ANKRD26: variants seen among roughly 807,000 people sequenced by gnomAD.
ANKRD26 encodes the protein ankyrin repeat domain-containing protein 26.
In ANKRD26, 141 loss-of-function variants were observed where a neutral mutation model predicts 208.7. The observed-to-expected ratio is 0.68, with a 90% confidence interval of 0.59 to 0.78. The LOEUF is 0.78. Among genes scored for constraint, ANKRD26 ranks in the 30% least tolerant of loss-of-function variants. ANKRD26 has a pLI of 0.00. For missense variants in ANKRD26, 1,889 were observed against 1,938.7 expected (o/e 0.97, Z 0.48); for synonymous variants, 636 against 660.4 (o/e 0.96, Z 0.57).
chr10:26,977,790 A>T (rs993565970), intron 5 of ANKRD26, among the ~76,000 whole-genome samples: 2 of 152,174 alleles, frequency 1.3e-5, no homozygotes, highest in African/African-American at 4.8e-5. Flanking sequence ...GCCCTGACAA[A>T]CTATACCTTC....
intron 32 of ANKRD26, among the ~76,000 whole-genome samples, chr10:27,008,718 T>C (rs2052980677): frequency 6.6e-6 from 1 of 152,206 alleles, no homozygotes; most frequent in African/African-American, 2.4e-5. Flanking sequence ...CAAATTTAAA[T>C]ACAGGTTATT....
At chr10:26,960,797 CA>C in the ANKRD26 span, among the ~76,000 whole-genome samples, 1 of 152,144 alleles carries the variant, frequency 6.6e-6, no homozygotes, top group African/African-American at 2.4e-5. Context: ...TCTGTGAATA[CA>C]AGGCTTGTGG....
In ANKRD26 at chr10:27,030,388, C is replaced by T. The variant is rs2053825804; in HGVS notation, c.3808-1032G>A. 4 of 985,274 alleles carry T rather than the reference C, an allele frequency of 4.1e-6. No homozygotes were observed. The African/African-American group carries it at 7.0e-5, about 17-fold the overall frequency. The allele number at this position is 985,274 out of a possible 1,614,324, so 61.0% of individuals were successfully genotyped here. A position where few individuals can be genotyped will look rare whatever the true frequency, so the allele number is the denominator to read the frequency against. On this transcript the variant is annotated intron_variant, in intron 25 of 33. Coordinates refer to ENST00000376087, the MANE Select transcript of ANKRD26 (RefSeq NM_014915.3). ...ACCTCCTGGAATAAGTAATACATAA[C>T]TTACATGGCCATCAGAGCACTGGAC...
At chr10:26,995,815 GAGTGTGTCTA>G (rs2134697531) in intron 4 of ANKRD26, among the ~76,000 whole-genome samples, 1 of 152,314 alleles carries the variant, frequency 6.6e-6, no homozygotes, top group African/African-American at 2.4e-5. Context: ...GAGGGGAAGA[GAGTGTGTCTA>G]ACCCAAGGAG....
chr10:27,022,690 G>A lies in ANKRD26; in HGVS notation c.4086-3C>T, dbSNP rs777578418. On this transcript the variant is annotated splice_polypyrimidine_tract_variant and splice_region_variant and intron_variant, in intron 28 of 33. Transcript: ENST00000376087. ...TCATTTTTAAGAGGTTCTTAAATCT[G>A]CAGGAAGGTACAAAATGAGTAACTC... is the stretch of plus-strand genomic sequence containing the variant. 3 of 1,580,534 alleles carry A rather than the reference G, an allele frequency of 1.9e-6. No homozygotes were observed. Among genetic ancestry groups the A allele is most frequent in the Non-Finnish European group, 2.6e-6 (3 of 1,156,640 alleles).
At chr10:27,066,810 A>ATT (rs112423515) in intron 10 of ANKRD26, among the ~76,000 whole-genome samples, 1 of 143,932 alleles carries the variant, frequency 6.9e-6, no homozygotes, top group Admixed American at 7.0e-5. Context: ...CTTAGAATAG[A>ATT]TTTTTTTTTT....
chr10:27,013,735 C>A (rs4749213), intron 31 of ANKRD26, among the ~76,000 whole-genome samples: 30,401 of 151,834 alleles, frequency 0.2, 3,643 homozygotes, highest in East Asian at 0.56. Context: ...GGCATCTGGC[C>A]CCAAGGAATA....
At chr10:27,077,042 C>CA in intron 9 of ANKRD26, 1 of 371,930 alleles carries the variant, frequency 2.7e-6, no homozygotes, top group Non-Finnish European at 4.9e-6. Context: ...AAGGACATAA[C>CA]AAAAAAAGAA....
chr10:27,060,002 CCAGTCTGGCCAA>C (rs2054992182), intron 15 of ANKRD26, among the ~76,000 whole-genome samples: 1 of 152,110 alleles, frequency 6.6e-6, no homozygotes, highest in South Asian at 2.1e-4. Flanking sequence ...GAGTTTGAGA[CCAGTCTGGCCAA>C]CATGGTGAAA....
chr10:27,004,894 G>T lies in ANKRD26; in HGVS notation c.*696C>A. The T allele has an allele frequency of 3.4e-6, 1 of 292,658 alleles. No individual in the cohort carries two copies. The highest frequency in any genetic ancestry group is 5.1e-6 in the Non-Finnish European group (1 of 196,722). 18.1% of individuals were successfully genotyped at this position (292,658 alleles called of 1,614,324 possible). ...ATTAATGTTGACTTTCTGATTGCAA[G>T]GTTTGCACTGTAGTTATGTAGAATG... On this transcript the variant is annotated 3_prime_UTR_variant, in exon 34 of 34. Transcript: ENST00000376087.
chr10:26,989,448 A>G (rs2052447221), downstream of ANKRD26, among the ~76,000 whole-genome samples: 4 of 152,226 alleles, frequency 2.6e-5, no homozygotes, highest in Admixed American at 2.6e-4. Context: ...AAAAAGACTT[A>G]TGGGCATTAA....
intron 1 of ANKRD26, among the ~76,000 whole-genome samples, chr10:27,096,572 T>A (rs746333340): frequency 6.6e-6 from 1 of 151,578 alleles, no homozygotes; most frequent in Non-Finnish European, 1.5e-5. Flanking sequence ...GAGACCAACT[T>A]GGCCAACGTG....
chr10:26,966,081 T>C, the ANKRD26 span, among the ~76,000 whole-genome samples: 216 of 152,324 alleles, frequency 1.4e-3, 2 homozygotes, highest in African/African-American at 5.1e-3. Context: ...TGGCGATTCC[T>C]CAAGGACATA....
chr10:27,050,219 C>CAGAAAAAAAAAAAAAAAAA (rs2054600759), intron 16 of ANKRD26, among the ~76,000 whole-genome samples: 1 of 33,036 alleles, frequency 3.0e-5, no homozygotes, highest in Admixed American at 6.1e-4. Flanking sequence ...GAATCTGTCT[C>CAGAAAAAAAAAAAAAAAAA]AAAAAAAAAA....
At chr10:27,012,364 G>GT (rs1412698952) in intron 32 of ANKRD26, among the ~76,000 whole-genome samples, 10 of 151,070 alleles carry the variant, frequency 6.6e-5, no homozygotes, top group African/African-American at 2.4e-4. Context: ...TTAACAAATG[G>GT]TACCTCTTGA....
At chr10:26,997,905 T>G (rs981662806) in intron 4 of ANKRD26, among the ~76,000 whole-genome samples, 5 of 152,200 alleles carry the variant, frequency 3.3e-5, no homozygotes, top group African/African-American at 1.2e-4. Context: ...CTTCACAGCA[T>G]CCATACTAGC....
chr10:27,061,699 C>T (rs1056204812), intron 12 of ANKRD26, among the ~76,000 whole-genome samples: 1 of 151,608 alleles, frequency 6.6e-6, no homozygotes, highest in African/African-American at 2.4e-5. Flanking sequence ...CCTGAACAGC[C>T]GAACTACAGG....
chr10:27,005,506 C>T lies in ANKRD26; in HGVS notation c.*84G>A, dbSNP rs1395856994. The T allele has an allele frequency of 3.9e-6, 6 of 1,552,930 alleles. No homozygotes were observed. The highest frequency in any genetic ancestry group is 5.2e-6 in the Non-Finnish European group (6 of 1,147,522). The stretch of plus-strand genomic sequence containing the variant: ...ACATATATGATACAAAAATACGTTC[C>T]TTTAATATTTTTACATGTCATATAT... On this transcript the variant is annotated 3_prime_UTR_variant, in exon 34 of 34. Transcript: ENST00000376087.
At chr10:27,037,743 A>C in intron 22 of ANKRD26, 128 bp downstream of exon 22, 2 of 743,952 alleles carry the variant, frequency 2.7e-6, no homozygotes, top group Non-Finnish European at 4.2e-6. Context: ...TTAGTTATAA[A>C]GGTCACAGGT....
Sources: allele counts gnomAD v4.1 joint callset (sites outside exome capture counted in the v4.1 genomes callset), GRCh38; gene constraint gnomAD v4.1.1; transcripts MANE v1.5; gene names NCBI Gene and HGNC (gene_info 2026-07-23, HGNC 2026-07-21).